SELENOI: variants seen among roughly 807,000 people sequenced by gnomAD.
The protein encoded by SELENOI is selenoprotein I.
SELENOI carries 24 observed loss-of-function variants against 50.7 expected under a neutral mutation model. The observed-to-expected ratio is 0.47, with a 90% CI of 0.34 to 0.67. SELENOI has a LOEUF of 0.67. Among genes scored for constraint, SELENOI ranks in the 30% least tolerant of loss-of-function variants. The pLI, the probability that SELENOI is intolerant of heterozygous loss-of-function variation, is 0.01. For missense variants in SELENOI, 352 were observed against 461.4 expected (o/e 0.76, Z 2.17); for synonymous variants, 155 against 170.2 (o/e 0.91, Z 0.70).
rs1212868452 is a variant in SELENOI, at chr2:26,386,502, T to C, written c.1061T>C (p.Phe354Ser). 1 of 1,612,976 alleles carries C rather than the reference T, an allele frequency of 6.2e-7. No individual in the cohort carries two copies. Among genetic ancestry groups the C allele is most frequent in the Non-Finnish European group, 8.5e-7 (1 of 1,179,526 alleles). ...CTCCTGTATACATTAACAACTGCTT[T>C]TACTCTGGCCCACATCCATTATGGA... is the stretch of plus-strand genomic sequence containing the variant. ...SILLYTLTTA[F>S]TLAHIHYGVR... The change falls in exon 9 of 10, where the codon TTT becomes TCT. Residue 354 changes from phenylalanine to serine, a missense_variant. By Grantham distance (155) the Phe-to-Ser change is radical. Transcript: ENST00000260585.
chr2:26,366,608 A>C (rs1469125774), intron 3 of SELENOI, among the ~76,000 whole-genome samples: 1 of 152,206 alleles, frequency 6.6e-6, no homozygotes. Flanking sequence ...ACTAGACCCT[A>C]GACTTTCTGA....
Position 26,385,037 on chromosome 2 carries a change from C to G in SELENOI, c.810C>G (p.Phe270Leu). 1 of 1,613,030 alleles carries G rather than the reference C, an allele frequency of 6.2e-7. No homozygotes were observed. Among genetic ancestry groups the G allele is most frequent in the Non-Finnish European group, 8.5e-7 (1 of 1,179,364 alleles). ...MVPLFSPCLL[F>L]ILSTAWILWS... ...CCTTATTTTCTCCATGCTTGCTGTT[C>G]ATTTTGTCTACAGCGTGGATCCTTT... Residue 270 changes from phenylalanine (F) to leucine (L), a missense_variant, in exon 8 of 10, where the codon TTC becomes TTG. By Grantham distance (22) the Phe-to-Leu change is conservative. Coordinates refer to ENST00000260585, the MANE Select transcript of SELENOI (RefSeq NM_033505.4).
At chr2:26,346,314 T>C (rs1016619853) in intron 1 of SELENOI, 25 bp downstream of exon 1, 17 of 1,598,636 alleles carry the variant, frequency 1.1e-5, no homozygotes, top group Non-Finnish European at 1.4e-5. Context: ...CGGATGCCCC[T>C]CTCCCTGCTC....
At chr2:26,362,526 C>A (rs1377665668) in intron 1 of SELENOI, among the ~76,000 whole-genome samples, 1 of 149,444 alleles carries the variant, frequency 6.7e-6, no homozygotes, top group Non-Finnish European at 1.5e-5. Context: ...TTTGGGAGGC[C>A]GAGGCAGGTG....
At chr2:26,387,953 T>TC (rs1677881847) in intron 9 of SELENOI, among the ~76,000 whole-genome samples, 1 of 152,172 alleles carries the variant, frequency 6.6e-6, no homozygotes, top group Non-Finnish European at 1.5e-5. Context: ...GAGGCAGCTA[T>TC]CATGCTTGAT....
rs1431844475 is a variant in SELENOI, at chr2:26,375,141, G to A, written c.675G>A (p.Met225Ile). Residue 225 changes from methionine to isoleucine, a missense_variant, in exon 6 of 10, where the codon ATG becomes ATA. Met to Ile is a conservative substitution (Grantham distance 10). Coordinates refer to ENST00000260585, the MANE Select transcript of SELENOI (RefSeq NM_033505.4). Reference protein sequence around the residue: ...NFLYRDLFTAMIIGCALCVTL... With the variant: ...NFLYRDLFTAIIIGCALCVTL... ...TATATAGAGACCTATTCACTGCAAT[G>A]ATTATTGGTAAGAAGCTCCATGTTG... is the stretch of plus-strand genomic sequence containing the variant. The A allele has an allele frequency of 6.3e-7, 1 of 1,594,112 alleles. No individual in the cohort carries two copies. Among genetic ancestry groups the A allele is most frequent in the Admixed American group, 1.7e-5 (1 of 59,178 alleles).
chr2:26,361,442 T>A (rs115660648), intron 1 of SELENOI, among the ~76,000 whole-genome samples: 84,569 of 151,846 alleles, frequency 0.56, 25,126 homozygotes, highest in African/African-American at 0.72. Context: ...GTACTGTTAT[T>A]ACATTTATGT....
chr2:26,388,684 A>C (rs1434160664), intron 9 of SELENOI, among the ~76,000 whole-genome samples: 1 of 152,194 alleles, frequency 6.6e-6, no homozygotes, highest in African/African-American at 2.4e-5. Flanking sequence ...TATAGAGTCT[A>C]ACTATAAATA....
intron 1 of SELENOI, 33 bp downstream of exon 1, chr2:26,346,322 C>T: frequency 6.3e-7 from 1 of 1,592,444 alleles, no homozygotes; most frequent in Non-Finnish European, 8.6e-7. Context: ...CCTCTCCCTG[C>T]TCCCGGCCTC....
intron 1 of SELENOI, among the ~76,000 whole-genome samples, chr2:26,359,762 G>T (rs1422653084): frequency 6.6e-6 from 1 of 152,136 alleles, no homozygotes; most frequent in Non-Finnish European, 1.5e-5. Flanking sequence ...TTTGAATTGG[G>T]TTGCTTCTGG....
At chr2:26,384,835 T>A (rs954146797) in intron 7 of SELENOI, 124 bp from the exon 8 acceptor site, 2 of 631,672 alleles carry the variant, frequency 3.2e-6, no homozygotes, top group East Asian at 3.1e-5. Flanking sequence ...TGGTTCTGTC[T>A]ATGCCACAAG....
chr2:26,359,730 T>C (rs1677135676), intron 1 of SELENOI, among the ~76,000 whole-genome samples: 1 of 152,114 alleles, frequency 6.6e-6, no homozygotes, highest in Non-Finnish European at 1.5e-5. Context: ...ATTTTGTTAG[T>C]GTATAGAAAA....
At chr2:26,374,918 A>G in intron 5 of SELENOI, 122 bp from the exon 6 acceptor site, 1 of 652,456 alleles carries the variant, frequency 1.5e-6, no homozygotes, top group Non-Finnish European at 2.7e-6. Flanking sequence ...TACCAAATAT[A>G]AGCATACTTC....
At chr2:26,380,053 C>A (rs935776113) in intron 6 of SELENOI, among the ~76,000 whole-genome samples, 1 of 152,218 alleles carries the variant, frequency 6.6e-6, no homozygotes, top group African/African-American at 2.4e-5. Flanking sequence ...AGTCACCACT[C>A]TGTGGTTATG....
rs1413519128 is a variant in SELENOI, at chr2:26,389,783, C to T, written c.*680C>T. On this transcript the variant is annotated 3_prime_UTR_variant, in exon 10 of 10. Coordinates refer to ENST00000260585, the MANE Select transcript of SELENOI (RefSeq NM_033505.4). ...GAGAATGGGTTGTAATTATCGCTCA[C>T]CCATTGGGATGGTTCATTGTTTAAA... 1.3e-5 allele frequency: 2 copies of T among 152,242 alleles called. No individual in the cohort carries two copies. Among genetic ancestry groups the T allele is most frequent in the Admixed American group, 6.6e-5 (1 of 15,248 alleles). 9.4% of individuals were successfully genotyped at this position (152,242 alleles called of 1,614,324 possible). A position where few individuals can be genotyped will look rare whatever the true frequency, so the allele number is the denominator to read the frequency against.
At chr2:26,376,387 C>T (rs1038237150) in intron 6 of SELENOI, among the ~76,000 whole-genome samples, 3 of 152,174 alleles carry the variant, frequency 2.0e-5, no homozygotes, top group East Asian at 1.9e-4. Flanking sequence ...TTTTGATTGT[C>T]CCATGGCAGG....
At chr2:26,357,268 A>G (rs1327156033) in intron 1 of SELENOI, among the ~76,000 whole-genome samples, 2 of 152,162 alleles carry the variant, frequency 1.3e-5, no homozygotes, top group African/African-American at 4.8e-5. Flanking sequence ...CCTTCCACTC[A>G]CTACTGTGTC....
At chr2:26,384,913 T>C in intron 7 of SELENOI, 46 bp from the exon 8 acceptor site, 2 of 1,402,456 alleles carry the variant, frequency 1.4e-6, no homozygotes, top group East Asian at 2.4e-5. Flanking sequence ...TACTGTACAA[T>C]TTATATGTAA....
intron 1 of SELENOI, among the ~76,000 whole-genome samples, chr2:26,357,845 G>T (rs1014056205): frequency 2.0e-5 from 3 of 151,768 alleles, no homozygotes; most frequent in African/African-American, 7.3e-5. Flanking sequence ...ACCTTGAATT[G>T]TAGCTCCCAT....
Sources: allele counts gnomAD v4.1 joint callset (sites outside exome capture counted in the v4.1 genomes callset), GRCh38; gene constraint gnomAD v4.1.1; transcripts MANE v1.5; gene names NCBI Gene and HGNC (gene_info 2026-07-23, HGNC 2026-07-21).